The following NUP205 variants were observed in gnomAD, a reference collection of about 807,000 sequenced individuals.
NUP205 encodes nucleoporin 205.
NUP205 carries 76 observed loss-of-function variants against 253.8 expected under a neutral mutation model. The ratio of observed to expected loss-of-function variants is 0.30; its 90% CI spans 0.25 to 0.36. NUP205 has a LOEUF of 0.36. NUP205 is among the 10% of genes least tolerant of loss of function. The pLI is 1.00. For synonymous variants in NUP205, 832 were observed against 850.1 expected (o/e 0.98, Z 0.37); for missense variants, 2,162 against 2,425.5 (o/e 0.89, Z 2.28).
chr7:135,570,646 C>T (rs1805932518), intron 1 of NUP205, among the ~76,000 whole-genome samples: 1 of 126,218 alleles, frequency 7.9e-6, no homozygotes, highest in Non-Finnish European at 1.6e-5. Flanking sequence ...ATATAATTAG[C>T]AATCATTTAT....
chr7:135,602,696 T>A, intron 17 of NUP205, 109 bp from the exon 18 acceptor site: 1 of 846,156 alleles, frequency 1.2e-6, no homozygotes, highest in Non-Finnish European at 1.9e-6. Context: ...AGAGTCTGAA[T>A]CTCTAGATCT....
chr7:135,612,019 C>G (rs2129491039), intron 22 of NUP205, among the ~76,000 whole-genome samples: 1 of 152,168 alleles, frequency 6.6e-6, no homozygotes, highest in Non-Finnish European at 1.5e-5. Flanking sequence ...ACTCAGGAGG[C>G]TGAGGCGGGA....
intron 17 of NUP205, among the ~76,000 whole-genome samples, chr7:135,602,397 G>T (rs1325328803): frequency 1.3e-5 from 2 of 152,222 alleles, no homozygotes; most frequent in African/African-American, 4.8e-5. Flanking sequence ...ATGATGTCCT[G>T]TGTATTGTAA....
intron 33 of NUP205, among the ~76,000 whole-genome samples, 182 bp downstream of exon 33, chr7:135,626,543 G>A (rs774355416): frequency 1.7e-4 from 26 of 152,048 alleles, no homozygotes; most frequent in Middle Eastern, 3.2e-3. Flanking sequence ...GAAAAAGTAG[G>A]TAGGAGTGGG....
chr7:135,642,169 C>T (rs934651367), intron 38 of NUP205, among the ~76,000 whole-genome samples: 5 of 151,646 alleles, frequency 3.3e-5, no homozygotes, highest in Non-Finnish European at 5.9e-5. Context: ...GCAGGAGAAT[C>T]GCTTGAAACC....
At chr7:135,560,159 A>G (rs1584629091) in intron 1 of NUP205, among the ~76,000 whole-genome samples, 1 of 151,150 alleles carries the variant, frequency 6.6e-6, no homozygotes, top group Non-Finnish European at 1.5e-5. Flanking sequence ...CGCCTGGCCA[A>G]TTTTTTTTGT....
intron 11 of NUP205, among the ~76,000 whole-genome samples, chr7:135,592,269 A>C (rs1463160318): frequency 2.0e-5 from 3 of 152,242 alleles, no homozygotes; most frequent in African/African-American, 7.2e-5. Flanking sequence ...GCAATGGAGT[A>C]GTGTAATTCC....
At chr7:135,627,325 T>G (rs928053335) in intron 33 of NUP205, among the ~76,000 whole-genome samples, 44 of 152,222 alleles carry the variant, frequency 2.9e-4, no homozygotes, top group African/African-American at 1.0e-3. Context: ...TCTTGTTTTA[T>G]TTTTATACAG....
intron 13 of NUP205, among the ~76,000 whole-genome samples, chr7:135,596,163 C>T (rs142972359): frequency 6.6e-6 from 1 of 151,952 alleles, no homozygotes; most frequent in South Asian, 2.1e-4. Context: ...TGAACTTCTC[C>T]CCTCAGGTGA....
chr7:135,626,112 G>A lies in NUP205; in HGVS notation c.4672-128G>A, dbSNP rs10085457. The A allele has an allele frequency of 0.33, 365,762 of 1,123,846 alleles. 61,242 individuals are homozygous for A. The highest frequency in any genetic ancestry group is 0.46 in the Middle Eastern group (1,854 of 4,044). The allele number at this position is 1,123,846 out of a possible 1,614,324, so 69.6% of individuals were successfully genotyped here. ...GGAAGAAAGCGGTATAATGTAACCT[G>A]TCACTAGCCCAGATTTCTCTTCAGT... is the stretch of plus-strand genomic sequence containing the variant. On this transcript the variant is annotated intron_variant, in intron 32 of 42. Transcript: ENST00000285968.
intron 20 of NUP205, among the ~76,000 whole-genome samples, chr7:135,606,440 C>T (rs928983544): frequency 2.7e-4 from 41 of 152,084 alleles, no homozygotes; most frequent in Non-Finnish European, 4.7e-4. Flanking sequence ...CTCATTGGTT[C>T]ATTTTGGATT....
chr7:135,613,947 T>C (rs1359695852), intron 22 of NUP205: 2 of 352,176 alleles, frequency 5.7e-6, no homozygotes, highest in Non-Finnish European at 1.0e-5. Context: ...TCACCAGCAC[T>C]CCATTGTATT....
chr7:135,638,076 TTC>T lies in NUP205; in HGVS notation c.5265+21_5265+22del. 6.2e-7 allele frequency: 1 copy of T among 1,602,478 alleles called. No homozygotes were observed. On this transcript the variant is annotated intron_variant, in intron 37 of 42. Coordinates refer to ENST00000285968, the MANE Select transcript of NUP205 (RefSeq NM_015135.3). ...ATGCAGCAGGTAAGAACCATGTGAC[TTC>T]TCTAAGGTTTTTATGTTTTTGGAAA...
At chr7:135,594,765 A>C in intron 13 of NUP205, 36 bp downstream of exon 13, 1 of 1,516,736 alleles carries the variant, frequency 6.6e-7, no homozygotes, top group Non-Finnish European at 9.0e-7. Flanking sequence ...TATTATCCCA[A>C]TGTGGAAAGT....
chr7:135,595,832 C>T (rs947753803), intron 13 of NUP205, among the ~76,000 whole-genome samples: 12 of 152,028 alleles, frequency 7.9e-5, no homozygotes, highest in Non-Finnish European at 1.2e-4. Context: ...GCTTTATAGA[C>T]GTATCTCTAG....
intron 14 of NUP205, 59 bp downstream of exon 14, chr7:135,597,477 CTATGAAT>C (rs1183085170): frequency 2.0e-6 from 2 of 1,007,414 alleles, no homozygotes; most frequent in Non-Finnish European, 3.2e-6. Flanking sequence ...GATAAGAAGT[CTATGAAT>C]CATTCTTACC....
Position 135,629,469 on chromosome 7 carries a change from A to ATCTCTCTCTCTCTCTCTCTCTCTC in NUP205, c.4933-857_4933-834dup, listed in dbSNP as rs201403059. Among the ~76,000 whole-genome samples, 318 of 119,774 alleles carry ATCTCTCTCTCTCTCTCTCTCTCTC rather than the reference A, an allele frequency of 2.7e-3. 5 individuals are homozygous for ATCTCTCTCTCTCTCTCTCTCTCTC. Among genetic ancestry groups the ATCTCTCTCTCTCTCTCTCTCTCTC allele is most frequent in the Non-Finnish European group, 4.0e-3 (231 of 58,138 alleles). 78.6% of individuals were successfully genotyped at this position (119,774 alleles called of 152,430 possible). On this transcript the variant is annotated intron_variant, in intron 34 of 42. Transcript: ENST00000285968. ...AGCCTGGGCAACATAGTGAGACCCT[A>ATCTCTCTCTCTCTCTCTCTCTCTC]TCTCTCTCTCTCTCTCTCTCTCTCT...
rs79123367 is a variant in NUP205 at position 135,632,802 on chromosome 7, G to A, written c.5059+2332G>A. Reference sequence around the variant, plus strand: ...ATGGTTTTTCCTTTGATTTTTTCCAGGACTTAACTAATTACTCTCAATGTA... The same window carrying A: ...ATGGTTTTTCCTTTGATTTTTTCCAAGACTTAACTAATTACTCTCAATGTA... On this transcript the variant is annotated intron_variant, in intron 35 of 42. Transcript: ENST00000285968. 5.6e-3 allele frequency among the ~76,000 whole-genome samples: 848 copies of A among 152,048 alleles called. 14 individuals carry two copies. The highest frequency in any genetic ancestry group is 0.051 in the East Asian group (265 of 5,158).
At position 135,601,479 on chromosome 7, in the gene NUP205, GCAGCTT is replaced by G. The variant is rs764819466; in HGVS notation, c.2485_2490del (p.Gln829_Leu830del). The G allele has an allele frequency of 6.2e-7, 1 of 1,613,858 alleles. No individual in the cohort carries two copies. ...TCAGTTTACTGGAAGAAGGAGTTAA[GCAGCTT>G]GACACCTATGCCCCCTTTCCTGGTA... On this transcript the variant is annotated inframe_deletion, in exon 17 of 43. Coordinates refer to ENST00000285968, the MANE Select transcript of NUP205 (RefSeq NM_015135.3).
Sources: allele counts gnomAD v4.1 joint callset (sites outside exome capture counted in the v4.1 genomes callset), GRCh38; gene constraint gnomAD v4.1.1; transcripts MANE v1.5; gene names NCBI Gene and HGNC (gene_info 2026-07-23, HGNC 2026-07-21).